GPC6: variants seen among roughly 807,000 people sequenced by gnomAD.
GPC6 encodes glypican-6.
GPC6 carries 14 observed loss-of-function variants against 55.2 expected under a neutral mutation model. That is an observed-to-expected ratio of 0.25 (90% CI 0.17 to 0.40). The LOEUF is 0.40. Among genes scored for constraint, GPC6 ranks in the 10% least tolerant of loss-of-function variants. GPC6 has a pLI of 1.00. For missense variants in GPC6, 641 were observed against 708.5 expected, an observed-to-expected ratio of 0.90 and a Z score of 1.08; for synonymous variants, 278 against 259.6, an observed-to-expected ratio of 1.07 and a Z score of -0.68.
rs191798090 is a variant in GPC6 at position 93,453,698 on chromosome 13, A to C, written c.161-91565A>C. 4.2e-4 allele frequency among the ~76,000 whole-genome samples: 63 copies of C among 151,202 alleles called. 1 individual carries two copies. The highest frequency in any genetic ancestry group is 2.8e-4 in the Non-Finnish European group (19 of 67,818). On this transcript the variant is annotated intron_variant, in intron 1 of 8. Coordinates refer to ENST00000377047, the MANE Select transcript of GPC6 (RefSeq NM_005708.5). ...CTTCGCGGTGTGTGTTACAGCTCTT[A>C]AGGCAGTGCGTCTGGAGTTGTTCGT... is the stretch of plus-strand genomic sequence containing the variant.
At chr13:93,797,297 A>G (rs1016685779) in intron 2 of GPC6, among the ~76,000 whole-genome samples, 1 of 152,194 alleles carries the variant, frequency 6.6e-6, no homozygotes, top group South Asian at 2.1e-4. Context: ...ATAATTTCTT[A>G]TGAATGATAG....
At chr13:93,728,204 T>TTTTG (rs56015850) in intron 2 of GPC6, among the ~76,000 whole-genome samples, 91,216 of 149,054 alleles carry the variant, frequency 0.61, 28,221 homozygotes, top group East Asian at 0.76. Context: ...ATCTTTTTGG[T>TTTTG]TTTGTTTGTT....
chr13:94,016,133 C>T (rs536739184), intron 3 of GPC6, among the ~76,000 whole-genome samples: 49 of 152,248 alleles, frequency 3.2e-4, no homozygotes, highest in Middle Eastern at 3.4e-3. Flanking sequence ...TAGAATCATG[C>T]GGTATCTGTC....
intron 2 of GPC6, among the ~76,000 whole-genome samples, chr13:93,667,891 T>C (rs1406784543): frequency 6.6e-6 from 1 of 152,166 alleles, no homozygotes; most frequent in Non-Finnish European, 1.5e-5. Context: ...TTAACAGACT[T>C]GTATAAAATT....
chr13:94,144,966 A>G (rs1593983009), intron 4 of GPC6, among the ~76,000 whole-genome samples: 1 of 152,306 alleles, frequency 6.6e-6, no homozygotes, highest in Middle Eastern at 3.4e-3. Flanking sequence ...GTTATTAACA[A>G]AACTTTGGAG....
chr13:94,103,940 AGTCATGAAGTCCTT>A (rs1250941189), intron 4 of GPC6, among the ~76,000 whole-genome samples: 3 of 152,066 alleles, frequency 2.0e-5, no homozygotes, highest in Non-Finnish European at 4.4e-5. Flanking sequence ...TTGGTGTTTT[AGTCATGAAGTCCTT>A]GTCCATGCCT....
At position 94,339,751 on chromosome 13, in the gene GPC6, C is replaced by CTTTTTTT. The variant is rs56074677; in HGVS notation, c.1152+33651_1152+33657dup. On this transcript the variant is annotated intron_variant, in intron 6 of 8. Transcript: ENST00000377047. ...TTAAGTCTGCAACCTGCATACTTTC[C>CTTTTTTT]TTTTTTTTTTTTTTTTTTTTTTTTT... 9.8e-3 allele frequency among the ~76,000 whole-genome samples: 623 copies of CTTTTTTT among 63,812 alleles called. 67 individuals carry two copies. The highest frequency in any genetic ancestry group is 0.029 in the East Asian group (67 of 2,304). The allele number at this position is 63,812 out of a possible 152,430, so 41.9% of individuals were successfully genotyped here.
chr13:93,418,399 T>C (rs371778342), intron 1 of GPC6, among the ~76,000 whole-genome samples: 1 of 151,336 alleles, frequency 6.6e-6, no homozygotes, highest in Non-Finnish European at 1.5e-5. Flanking sequence ...CACTATACCG[T>C]AGTATTATTT....
intron 3 of GPC6, among the ~76,000 whole-genome samples, chr13:93,951,173 T>G (rs1024644890): frequency 1.8e-4 from 28 of 152,162 alleles, no homozygotes; most frequent in Non-Finnish European, 3.7e-4. Flanking sequence ...TCCCCACTCC[T>G]AAACAGCCTC....
At chr13:93,919,918 G>A (rs1400764958) in intron 3 of GPC6, among the ~76,000 whole-genome samples, 2 of 152,276 alleles carry the variant, frequency 1.3e-5, no homozygotes, top group South Asian at 4.1e-4. Flanking sequence ...GAAGCCTCTC[G>A]CGTAGACACG....
chr13:93,916,683 T>C (rs1877311012), intron 3 of GPC6, among the ~76,000 whole-genome samples: 1 of 152,118 alleles, frequency 6.6e-6, no homozygotes, highest in Admixed American at 6.5e-5. Context: ...AGAAATAAGC[T>C]GTGAAATGCA....
At chr13:93,860,637 T>C (rs1462107905) in intron 3 of GPC6, among the ~76,000 whole-genome samples, 1 of 151,682 alleles carries the variant, frequency 6.6e-6, no homozygotes, top group African/African-American at 2.4e-5. Context: ...CTGTATGATA[T>C]TCTTATGTTT....
intron 2 of GPC6, among the ~76,000 whole-genome samples, chr13:93,675,247 G>C (rs1881541387): frequency 1.3e-5 from 2 of 151,808 alleles, no homozygotes; most frequent in Admixed American, 6.6e-5. Flanking sequence ...CCAGTTTAGG[G>C]GTTTTTAATT....
chr13:94,148,769 G>T (rs61962344), intron 4 of GPC6, among the ~76,000 whole-genome samples: 1 of 152,156 alleles, frequency 6.6e-6, no homozygotes, highest in African/African-American at 2.4e-5. Context: ...TAGAGGAGAG[G>T]TTAAGAGAAC....
intron 1 of GPC6, among the ~76,000 whole-genome samples, chr13:93,426,994 G>A (rs1277190520): frequency 2.0e-5 from 3 of 150,336 alleles, no homozygotes; most frequent in African/African-American, 4.9e-5. Flanking sequence ...GCCAGTGATG[G>A]TGAGCATTTT....
intron 2 of GPC6, among the ~76,000 whole-genome samples, chr13:93,582,501 A>G (rs1161017934): frequency 6.6e-6 from 1 of 152,204 alleles, no homozygotes; most frequent in Non-Finnish European, 1.5e-5. Context: ...AACATAATCT[A>G]TGATCTAGAT....
chr13:94,354,431 A>G (rs1389999666), intron 6 of GPC6, among the ~76,000 whole-genome samples: 1 of 152,250 alleles, frequency 6.6e-6, no homozygotes, highest in African/African-American at 2.4e-5. Context: ...GAAACAAGAA[A>G]CAAACCAAAT....
intron 5 of GPC6, among the ~76,000 whole-genome samples, chr13:94,295,485 A>G (rs9524416): frequency 0.016 from 2,383 of 152,236 alleles, 33 homozygotes; most frequent in East Asian, 0.036. Context: ...CATTAAACCC[A>G]TGGATGTATG....
intron 4 of GPC6, among the ~76,000 whole-genome samples, chr13:94,272,677 C>T (rs1171700697): frequency 1.3e-5 from 2 of 151,794 alleles, no homozygotes; most frequent in Non-Finnish European, 2.9e-5. Flanking sequence ...ACCGTGTTAG[C>T]CAGGATGGTC....
Sources: allele counts gnomAD v4.1 joint callset (sites outside exome capture counted in the v4.1 genomes callset), GRCh38; gene constraint gnomAD v4.1.1; transcripts MANE v1.5; gene names NCBI Gene and HGNC (gene_info 2026-07-23, HGNC 2026-07-21).